Variants in LRFN5 observed in about 807,000 individuals in gnomAD.
The protein encoded by LRFN5 is leucine-rich repeat and fibronectin type-III domain-containing protein 5.
A neutral mutation model predicts 45.6 loss-of-function variants in LRFN5; 24 were observed. That is an observed-to-expected ratio of 0.53 (90% CI 0.38 to 0.74). The LOEUF is 0.74. Among genes scored for constraint, LRFN5 ranks in the 30% least tolerant of loss-of-function variants. The pLI is 0.00. For missense variants in LRFN5, 776 were observed against 861.5 expected (o/e 0.90, Z 1.24); for synonymous variants, 340 against 313.8 (o/e 1.08, Z -0.88).
At chr14:41,850,529 G>T (rs1231656557) in intron 2 of LRFN5, among the ~76,000 whole-genome samples, 1 of 151,496 alleles carries the variant, frequency 6.6e-6, no homozygotes, top group Non-Finnish European at 1.5e-5. Flanking sequence ...GAATATTATG[G>T]GACTACATAC....
At chr14:41,638,218 T>C (rs1879394813) in intron 1 of LRFN5, among the ~76,000 whole-genome samples, 1 of 152,042 alleles carries the variant, frequency 6.6e-6, no homozygotes, top group Non-Finnish European at 1.5e-5. Flanking sequence ...TAGTGAGGAC[T>C]TTGAAAATGT....
intron 2 of LRFN5, among the ~76,000 whole-genome samples, chr14:41,800,245 G>C (rs557941136): frequency 6.6e-6 from 1 of 151,894 alleles, no homozygotes. Flanking sequence ...ACTTATGTTT[G>C]GTTGATATTG....
rs5808157 is a variant in LRFN5, at chr14:41,837,194, C to CAAAAA, written c.-20-49392_-20-49388dup. Among the ~76,000 whole-genome samples the CAAAAA allele has an allele frequency of 3.5e-3, 266 of 75,280 alleles. 1 individual carries two copies. Among genetic ancestry groups the CAAAAA allele is most frequent in the Non-Finnish European group, 4.0e-3 (157 of 39,710 alleles). 49.4% of individuals were successfully genotyped at this position (75,280 alleles called of 152,430 possible). On this transcript the variant is annotated intron_variant, in intron 2 of 5. Transcript: ENST00000298119. The stretch of plus-strand genomic sequence containing the variant: ...AGAATTATCTCTCTCACACACTCCA[C>CAAAAA]AAAAAAAAAAAAAAAAAAAAAAAAG...
At chr14:41,677,720 A>G (rs1335094408) in intron 1 of LRFN5, among the ~76,000 whole-genome samples, 3 of 152,158 alleles carry the variant, frequency 2.0e-5, no homozygotes, top group Admixed American at 6.5e-5. Flanking sequence ...GATAAAATCA[A>G]TAAAGAAAAT....
At position 41,858,162 on chromosome 14, in the gene LRFN5, G is replaced by C. The variant is rs543788910; in HGVS notation, c.-20-28444G>C. On this transcript the variant is annotated intron_variant, in intron 2 of 5. Coordinates refer to ENST00000298119, the MANE Select transcript of LRFN5 (RefSeq NM_152447.5). Reference sequence around the variant, plus strand: ...ACAAACTGGAGGAGAAGGAGCAAAAGGCAAATTAATACACATTCAGAAATA... The same window carrying C: ...ACAAACTGGAGGAGAAGGAGCAAAACGCAAATTAATACACATTCAGAAATA... Among the ~76,000 whole-genome samples the C allele has an allele frequency of 2.6e-5, 4 of 152,224 alleles. No homozygotes were observed. The East Asian group carries it at 7.7e-4, about 29-fold the overall frequency.
chr14:41,654,210 A>C (rs1880268256), intron 1 of LRFN5, among the ~76,000 whole-genome samples: 1 of 152,046 alleles, frequency 6.6e-6, no homozygotes, highest in South Asian at 2.1e-4. Context: ...TAATAAAAAA[A>C]AAGAAAAGTA....
chr14:41,880,148 C>T (rs1255997935), intron 2 of LRFN5, among the ~76,000 whole-genome samples: 3 of 151,586 alleles, frequency 2.0e-5, no homozygotes, highest in South Asian at 2.1e-4. Flanking sequence ...AGGATGGTCT[C>T]GATCTCCTGA....
At chr14:41,627,339 A>C (rs1006621422) in intron 1 of LRFN5, among the ~76,000 whole-genome samples, 2 of 152,136 alleles carry the variant, frequency 1.3e-5, no homozygotes, top group South Asian at 4.1e-4. Context: ...GGGAAATGAG[A>C]AACAAGCAAA....
intron 2 of LRFN5, among the ~76,000 whole-genome samples, chr14:41,824,152 T>C (rs958453366): frequency 6.6e-6 from 1 of 152,234 alleles, no homozygotes; most frequent in Non-Finnish European, 1.5e-5. Flanking sequence ...GTTTGAATTA[T>C]TTATTTGGCA....
chr14:41,886,067 A>G (rs577977930), intron 2 of LRFN5, among the ~76,000 whole-genome samples: 6 of 151,570 alleles, frequency 4.0e-5, no homozygotes, highest in African/African-American at 1.5e-4. Context: ...ATGTCAAGAT[A>G]GTTTGTAAAG....
intron 1 of LRFN5, among the ~76,000 whole-genome samples, chr14:41,666,664 G>A (rs1182333669): frequency 6.6e-6 from 1 of 152,032 alleles, no homozygotes; most frequent in Non-Finnish European, 1.5e-5. Context: ...TCAATTTCGT[G>A]GCTAAGGCAT....
intron 1 of LRFN5, among the ~76,000 whole-genome samples, chr14:41,746,253 A>T (rs1884913885): frequency 6.6e-6 from 1 of 152,046 alleles, no homozygotes; most frequent in Non-Finnish European, 1.5e-5. Context: ...AGGAAAAAAT[A>T]CACGATTATC....
chr14:41,793,606 G>A (rs28626770), intron 2 of LRFN5, among the ~76,000 whole-genome samples: 59,494 of 151,640 alleles, frequency 0.39, 12,033 homozygotes, highest in East Asian at 0.69. Context: ...CGTTTCAGCT[G>A]TAAAAATGTT....
intron 1 of LRFN5, among the ~76,000 whole-genome samples, chr14:41,727,752 G>T (rs976024904): frequency 1.3e-5 from 2 of 152,106 alleles, no homozygotes; most frequent in Admixed American, 1.3e-4. Flanking sequence ...CAAAACATTT[G>T]AACTGGAGTC....
At chr14:41,867,217 G>C (rs1378605571) in intron 2 of LRFN5, among the ~76,000 whole-genome samples, 1 of 152,064 alleles carries the variant, frequency 6.6e-6, no homozygotes, top group African/African-American at 2.4e-5. Flanking sequence ...TGGAATGGAA[G>C]CTGTGATTTT....
chr14:41,811,730 A>C (rs557000330), intron 2 of LRFN5, among the ~76,000 whole-genome samples: 1 of 152,232 alleles, frequency 6.6e-6, no homozygotes, highest in African/African-American at 2.4e-5. Context: ...CAGAGAAAGA[A>C]GAACTAGTGC....
At chr14:41,739,275 T>C (rs547482926) in intron 1 of LRFN5, among the ~76,000 whole-genome samples, 152 of 152,154 alleles carry the variant, frequency 1.0e-3, no homozygotes, top group African/African-American at 3.5e-3. Context: ...GTCTTAGCTA[T>C]TTGGGAGGGT....
intron 2 of LRFN5, among the ~76,000 whole-genome samples, chr14:41,862,025 G>A (rs1263188813): frequency 6.6e-6 from 1 of 152,046 alleles, no homozygotes; most frequent in Non-Finnish European, 1.5e-5. Flanking sequence ...AAAATATTTG[G>A]CAGTACCCCT....
At chr14:41,901,991 C>A (rs1414041047) in intron 5 of LRFN5, among the ~76,000 whole-genome samples, 3 of 151,870 alleles carry the variant, frequency 2.0e-5, no homozygotes, top group Admixed American at 2.0e-4. Context: ...AAAAGGAGAG[C>A]CTTTGGGTCA....
Sources: allele counts gnomAD v4.1 joint callset (sites outside exome capture counted in the v4.1 genomes callset), GRCh38; gene constraint gnomAD v4.1.1; transcripts MANE v1.5; gene names NCBI Gene and HGNC (gene_info 2026-07-23, HGNC 2026-07-21).